The following SPOCK1 variants were observed in gnomAD, a reference collection of about 807,000 sequenced individuals.
SPOCK1 encodes testican-1.
In SPOCK1, 23 loss-of-function variants were observed where a neutral mutation model predicts 55.3. That is an observed-to-expected ratio of 0.42 (90% CI 0.30 to 0.59). The LOEUF (loss-of-function observed/expected upper bound fraction) is 0.59. SPOCK1 is among the 20% of genes least tolerant of loss of function. The probability of loss-of-function intolerance (pLI) is 0.22; values close to 1 mark genes in which losing one functional copy is unlikely to be tolerated. For synonymous variants in SPOCK1, 226 were observed against 221.0 expected (o/e 1.02, Z -0.20); for missense variants, 499 against 552.5 (o/e 0.90, Z 0.97).
intron 6 of SPOCK1, among the ~76,000 whole-genome samples, chr5:137,042,555 T>C (rs4035069): frequency 0.86 from 131,405 of 152,116 alleles, 57,270 homozygotes; most frequent in South Asian, 0.94. Flanking sequence ...ACCTGTGTAG[T>C]TTTGGAAATG....
chr5:136,991,665 G>A (rs184819334), intron 7 of SPOCK1, among the ~76,000 whole-genome samples: 66 of 152,268 alleles, frequency 4.3e-4, no homozygotes, highest in Non-Finnish European at 6.9e-4. Context: ...GAAGGCTGTG[G>A]CCAAACTACA....
chr5:137,321,249 C>A (rs1757977836), intron 2 of SPOCK1, among the ~76,000 whole-genome samples: 1 of 147,736 alleles, frequency 6.8e-6, no homozygotes, highest in Admixed American at 6.7e-5. Flanking sequence ...TGGGACACCA[C>A]AGAGACCAAT....
chr5:137,456,969 A>G (rs1045416496), intron 2 of SPOCK1, among the ~76,000 whole-genome samples: 1 of 152,196 alleles, frequency 6.6e-6, no homozygotes, highest in African/African-American at 2.4e-5. Context: ...TATTCAGTAA[A>G]TCTGAAGTAA....
intron 2 of SPOCK1, among the ~76,000 whole-genome samples, chr5:137,331,139 C>T (rs1758171433): frequency 2.0e-5 from 3 of 152,154 alleles, no homozygotes; most frequent in Non-Finnish European, 2.9e-5. Context: ...AGTGTTCATG[C>T]TACCCTGTCT....
At chr5:137,333,424 C>G (rs1427962119) in intron 2 of SPOCK1, among the ~76,000 whole-genome samples, 1 of 152,180 alleles carries the variant, frequency 6.6e-6, no homozygotes, top group Non-Finnish European at 1.5e-5. Flanking sequence ...AGACCTCCAG[C>G]AGACACTGGG....
chr5:137,375,038 G>A (rs546187246), intron 2 of SPOCK1, among the ~76,000 whole-genome samples: 10 of 152,114 alleles, frequency 6.6e-5, no homozygotes, highest in African/African-American at 2.2e-4. Context: ...CCTATGAATG[G>A]ACTCTATATG....
intron 3 of SPOCK1, among the ~76,000 whole-genome samples, chr5:137,240,323 G>C (rs1336203435): frequency 6.6e-6 from 1 of 152,168 alleles, no homozygotes; most frequent in African/African-American, 2.4e-5. Flanking sequence ...TCTGCTTCTG[G>C]GGAGGCTTCA....
intron 4 of SPOCK1, among the ~76,000 whole-genome samples, chr5:137,122,671 G>T (rs1753708133): frequency 6.6e-6 from 1 of 152,226 alleles, no homozygotes; most frequent in Non-Finnish European, 1.5e-5. Flanking sequence ...GGTATCTCCT[G>T]CCTGAGCATT....
intron 5 of SPOCK1, among the ~76,000 whole-genome samples, chr5:137,076,406 A>T (rs905475984): frequency 1.2e-4 from 18 of 152,204 alleles, no homozygotes; most frequent in Non-Finnish European, 4.4e-5. Flanking sequence ...CAATAAACCC[A>T]TCTTAAGGTA....
chr5:137,391,062 C>A (rs2005698), intron 2 of SPOCK1, among the ~76,000 whole-genome samples: 49,673 of 151,782 alleles, frequency 0.33, 8,198 homozygotes, highest in Admixed American at 0.43. Flanking sequence ...CCCCTTGCCC[C>A]CAACCCCCCA....
intron 2 of SPOCK1, among the ~76,000 whole-genome samples, chr5:137,490,977 C>T (rs1170906776): frequency 6.6e-6 from 1 of 152,160 alleles, no homozygotes; most frequent in Non-Finnish European, 1.5e-5. Flanking sequence ...CAACAACTCA[C>T]ACTCACAAGC....
intron 6 of SPOCK1, among the ~76,000 whole-genome samples, chr5:137,030,375 C>T (rs1440776130): frequency 2.0e-5 from 3 of 152,210 alleles, no homozygotes; most frequent in Non-Finnish European, 2.9e-5. Context: ...TTAGTGACTA[C>T]GCCATGGCAA....
chr5:137,324,962 G>GAA lies in SPOCK1; in HGVS notation c.187-57909_187-57908dup, dbSNP rs5871633. Among the ~76,000 whole-genome samples the GAA allele has an allele frequency of 3.5e-3, 496 of 140,306 alleles. 5 individuals are homozygous for GAA. Among genetic ancestry groups the GAA allele is most frequent in the African/African-American group, 0.011 (409 of 38,378 alleles). The allele number at this position is 140,306 out of a possible 152,430, so 92.0% of individuals were successfully genotyped here. On this transcript the variant is annotated intron_variant, in intron 2 of 10. Coordinates refer to ENST00000394945, the MANE Select transcript of SPOCK1 (RefSeq NM_004598.4). ...CAGACAAGCTTGACGGCTCAATCCT[G>GAA]AAAAAAAAAAAAATGAGGGGTTTGC...
rs144331267 is a variant in SPOCK1 at position 137,463,158 on chromosome 5, T to C, written c.186+35215A>G. On this transcript the variant is annotated intron_variant, in intron 2 of 10. Transcript: ENST00000394945. The stretch of plus-strand genomic sequence containing the variant: ...GTCCATATGGAAGGTGGCTTAAAGA[T>C]GATGTGCTCCACTACTGGGTATATA... Among the ~76,000 whole-genome samples, 81 of 152,324 alleles carry C rather than the reference T, an allele frequency of 5.3e-4. 1 individual carries two copies. The highest frequency in any genetic ancestry group is 1.9e-3 in the African/African-American group (77 of 41,570).
In SPOCK1 at chr5:137,174,881, A is replaced by G. The variant is rs1019021590; in HGVS notation, c.233-34187T>C. On this transcript the variant is annotated intron_variant, in intron 3 of 10. Coordinates refer to ENST00000394945, the MANE Select transcript of SPOCK1 (RefSeq NM_004598.4). ...TGGGAAAGAGCGATGGCATAAAGGCACCATATGCCCCATGGAGCACCCCTC... is the reference window on the plus strand; with the variant it reads ...TGGGAAAGAGCGATGGCATAAAGGCGCCATATGCCCCATGGAGCACCCCTC... Among the ~76,000 whole-genome samples the G allele has an allele frequency of 6.6e-5, 10 of 152,198 alleles. 1 individual carries two copies. Among genetic ancestry groups the G allele is most frequent in the African/African-American group, 2.4e-4 (10 of 41,452 alleles).
At chr5:137,432,427 A>G (rs2149829301) in intron 2 of SPOCK1, among the ~76,000 whole-genome samples, 1 of 152,346 alleles carries the variant, frequency 6.6e-6, no homozygotes, top group African/African-American at 2.4e-5. Flanking sequence ...TCAGCCATAA[A>G]AAAAGGAAAT....
intron 3 of SPOCK1, 39 bp from the exon 4 acceptor site, chr5:137,140,733 T>G: frequency 6.8e-5 from 47 of 691,634 alleles, no homozygotes; most frequent in Non-Finnish European, 1.0e-4. Flanking sequence ...GTTTAGGACC[T>G]CCAGGGAAAT....
At chr5:137,023,195 A>T (rs2126981108) in intron 6 of SPOCK1, among the ~76,000 whole-genome samples, 1 of 152,340 alleles carries the variant, frequency 6.6e-6, no homozygotes, top group Non-Finnish European at 1.5e-5. Flanking sequence ...TTTTAAGAGG[A>T]TTCAAATAAA....
chr5:137,482,070 T>C (rs1171652863), intron 2 of SPOCK1, among the ~76,000 whole-genome samples: 1 of 152,138 alleles, frequency 6.6e-6, no homozygotes, highest in African/African-American at 2.4e-5. Context: ...TAGCAACCCA[T>C]GCTGGATGTC....
Sources: allele counts gnomAD v4.1 joint callset (sites outside exome capture counted in the v4.1 genomes callset), GRCh38; gene constraint gnomAD v4.1.1; transcripts MANE v1.5; gene names NCBI Gene and HGNC (gene_info 2026-07-23, HGNC 2026-07-21).